GYPC: variants seen among roughly 807,000 people sequenced by gnomAD.
GYPC encodes the protein glycophorin C (Gerbich blood group), also known as glycophorin-C.
In GYPC, 14 loss-of-function variants were observed where a neutral mutation model predicts 12.6. The ratio of observed to expected loss-of-function variants is 1.11; its 90% CI spans 0.74 to 1.74. The LOEUF (loss-of-function observed/expected upper bound fraction) is 1.74. GYPC is among the 40% of genes most tolerant of loss of function. The probability of loss-of-function intolerance (pLI) is 0.00; values close to 1 mark genes in which losing one functional copy is unlikely to be tolerated. For missense variants in GYPC, 225 were observed against 172.1 expected (o/e 1.31, Z -1.72); for synonymous variants, 78 against 62.1 (o/e 1.26, Z -1.20).
At chr2:126,672,588 C>G (rs1261257850) in intron 1 of GYPC, among the ~76,000 whole-genome samples, 1 of 152,172 alleles carries the variant, frequency 6.6e-6, no homozygotes, top group African/African-American at 2.4e-5. Context: ...CCTTAGGGAG[C>G]AGGGAGAATG....
intron 1 of GYPC, chr2:126,658,711 G>A (rs1044456431): frequency 2.0e-5 from 3 of 152,194 alleles, no homozygotes; most frequent in Non-Finnish European, 2.9e-5. Context: ...CCTTCTAGAA[G>A]TAAATTTGCT....
At chr2:126,673,407 A>G (rs1331278195) in intron 1 of GYPC, among the ~76,000 whole-genome samples, 4 of 152,118 alleles carry the variant, frequency 2.6e-5, no homozygotes, top group East Asian at 3.9e-4. Context: ...GGGGTGGAGA[A>G]GGTGATCACG....
At chr2:126,693,572 C>A (rs1326383060) in intron 2 of GYPC, among the ~76,000 whole-genome samples, 1 of 152,210 alleles carries the variant, frequency 6.6e-6, no homozygotes, top group Admixed American at 6.6e-5. Flanking sequence ...TGAGCATCTA[C>A]CACGTGCAGC....
intron 1 of GYPC, among the ~76,000 whole-genome samples, chr2:126,677,071 C>A (rs963094779): frequency 6.6e-6 from 1 of 152,314 alleles, no homozygotes; most frequent in African/African-American, 2.4e-5. Context: ...ACCCTATCTT[C>A]CCATAGACCA....
intron 3 of GYPC, among the ~76,000 whole-genome samples, chr2:126,695,647 C>G (rs905444617): frequency 2.7e-5 from 4 of 149,450 alleles, no homozygotes; most frequent in African/African-American, 1.0e-4. Context: ...AAAATAGTCT[C>G]TGGGTCAGAT....
intron 1 of GYPC, among the ~76,000 whole-genome samples, chr2:126,656,713 T>C (rs1682368684): frequency 6.6e-6 from 1 of 152,154 alleles, no homozygotes; most frequent in Non-Finnish European, 1.5e-5. Flanking sequence ...CCAGCCAGGG[T>C]CCGACCGGCC....
chr2:126,668,183 C>T (rs1246157599), intron 1 of GYPC, among the ~76,000 whole-genome samples: 2 of 152,164 alleles, frequency 1.3e-5, no homozygotes, highest in African/African-American at 4.8e-5. Flanking sequence ...ATCTCTGTTG[C>T]AGTATTTTTG....
intron 1 of GYPC, among the ~76,000 whole-genome samples, chr2:126,689,222 CA>C (rs1683379763): frequency 6.6e-6 from 1 of 152,038 alleles, no homozygotes; most frequent in Admixed American, 6.6e-5. Flanking sequence ...AGGGCTTCTC[CA>C]AGAGAGAAAG....
At chr2:126,677,440 AGTGT>A (rs72008743) in intron 1 of GYPC, among the ~76,000 whole-genome samples, 1 of 147,694 alleles carries the variant, frequency 6.8e-6, no homozygotes, top group Non-Finnish European at 1.5e-5. Flanking sequence ...AGAGAGTAGG[AGTGT>A]GTGTGTATAA....
rs765139602 is a variant in GYPC at position 126,693,958 on chromosome 2, A to G, written c.190+11A>G. The G allele has an allele frequency of 3.2e-6, 5 of 1,570,662 alleles. No homozygotes were observed. The highest frequency in any genetic ancestry group is 2.2e-5 in the East Asian group (1 of 44,674). ...TTGTCGTCATTGCAGGTGAGCTCTC[A>G]TCACAGAGCCCTTCAAGCAGCCAGG... On this transcript the variant is annotated intron_variant, in intron 3 of 3. Coordinates refer to ENST00000259254, the MANE Select transcript of GYPC (RefSeq NM_002101.5).
intron 1 of GYPC, among the ~76,000 whole-genome samples, chr2:126,681,854 G>T (rs528703933): frequency 6.6e-6 from 1 of 152,142 alleles, no homozygotes; most frequent in Admixed American, 6.5e-5. Flanking sequence ...AAATGGTCTG[G>T]CCATGAGTAT....
intron 1 of GYPC, among the ~76,000 whole-genome samples, chr2:126,662,522 G>A (rs1317079735): frequency 6.6e-6 from 1 of 152,196 alleles, no homozygotes; most frequent in Non-Finnish European, 1.5e-5. Context: ...TGTGACCTGG[G>A]ACAAGTTGCT....
chr2:126,689,137 C>T lies in GYPC; in HGVS notation c.50-1118C>T, dbSNP rs190103336. ...AACTTGGATAATGTCATAGAGTGGTCCTTCCCACAGCAGAGTCAATGTAAA... is the reference window on the plus strand; with the variant it reads ...AACTTGGATAATGTCATAGAGTGGTTCTTCCCACAGCAGAGTCAATGTAAA... On this transcript the variant is annotated intron_variant, in intron 1 of 3. Transcript: ENST00000259254. Among the ~76,000 whole-genome samples, 383 of 152,214 alleles carry T rather than the reference C, an allele frequency of 2.5e-3. 1 individual carries two copies. The highest frequency in any genetic ancestry group is 2.9e-3 in the Non-Finnish European group (198 of 68,018).
chr2:126,664,089 A>G (rs768883896), intron 1 of GYPC, among the ~76,000 whole-genome samples: 1 of 151,992 alleles, frequency 6.6e-6, no homozygotes, highest in Non-Finnish European at 1.5e-5. Flanking sequence ...CATGCCCTGG[A>G]TGGATTTGTC....
chr2:126,696,627 C>A lies in GYPC; in HGVS notation c.*485C>A. 1 of 249,634 alleles carries A rather than the reference C, an allele frequency of 4.0e-6. No homozygotes were observed. The highest frequency in any genetic ancestry group is 7.9e-6 in the Non-Finnish European group (1 of 125,810). The allele number at this position is 249,634 out of a possible 1,614,324, so 15.5% of individuals were successfully genotyped here. On this transcript the variant is annotated 3_prime_UTR_variant, in exon 4 of 4. Coordinates refer to ENST00000259254, the MANE Select transcript of GYPC (RefSeq NM_002101.5). ...AAAGGTACCTTTGTCTGCCATTGAT[C>A]CAGCTCAGAACGATTGGAAATAAAT...
chr2:126,661,137 G>A (rs1465056501), intron 1 of GYPC, among the ~76,000 whole-genome samples: 1 of 152,198 alleles, frequency 6.6e-6, no homozygotes, highest in East Asian at 1.9e-4. Flanking sequence ...GGCGACACTG[G>A]GTTCCTTCTT....
intron 1 of GYPC, among the ~76,000 whole-genome samples, chr2:126,659,436 G>A (rs188978707): frequency 1.9e-4 from 29 of 152,320 alleles, no homozygotes; most frequent in Non-Finnish European, 2.1e-4. Context: ...ATGTTCACCA[G>A]CTTTGGGAGA....
chr2:126,683,486 T>C (rs1232096654), intron 1 of GYPC, among the ~76,000 whole-genome samples: 2 of 152,192 alleles, frequency 1.3e-5, no homozygotes, highest in Admixed American at 6.5e-5. Flanking sequence ...ATTTCTGCTG[T>C]TGTCAGGATC....
chr2:126,678,535 C>G (rs959097125), intron 1 of GYPC: 2 of 152,298 alleles, frequency 1.3e-5, no homozygotes, highest in African/African-American at 4.8e-5. Flanking sequence ...GTGGCCTTTC[C>G]TGAACCCTTG....
Sources: gnomAD v4.1 joint callset for allele counts (sites outside exome capture counted in the v4.1 genomes callset) on GRCh38, gnomAD v4.1.1 for gene constraint, MANE v1.5 for transcripts, NCBI Gene and HGNC (gene_info 2026-07-23, HGNC 2026-07-21) for gene names.